Variants in PNLDC1 observed in about 807,000 individuals in gnomAD.
The protein encoded by PNLDC1 is poly(A)-specific ribonuclease PNLDC1.
PNLDC1 carries 70 observed loss-of-function variants against 82.0 expected under a neutral mutation model. That is an observed-to-expected ratio of 0.85 (90% CI 0.70 to 1.04). The LOEUF (loss-of-function observed/expected upper bound fraction) is 1.04, where lower values mean the gene tolerates loss of function less well. PNLDC1 is among the 50% of genes least tolerant of loss of function. The probability of loss-of-function intolerance (pLI) is 0.00; values close to 1 mark genes in which losing one functional copy is unlikely to be tolerated. For synonymous variants in PNLDC1, 280 were observed against 249.3 expected, an observed-to-expected ratio of 1.12 and a Z score of -1.16; for missense variants, 631 against 661.1, an observed-to-expected ratio of 0.95 and a Z score of 0.50.
intron 4 of PNLDC1, 22 bp from the exon 5 acceptor site, chr6:159,803,943 C>A: frequency 6.3e-7 from 1 of 1,599,032 alleles, no homozygotes. Flanking sequence ...GGCTTTTTCT[C>A]TGTATGTTTG....
At chr6:159,816,727 G>T in intron 14 of PNLDC1, 131 bp downstream of exon 14, 1 of 800,068 alleles carries the variant, frequency 1.2e-6, no homozygotes, top group Non-Finnish European at 2.1e-6. Context: ...CTACCTCCTG[G>T]GCTCAGGTGA....
Position 159,808,812 on chromosome 6 carries a change from A to AG in PNLDC1, c.639+1dup, listed in dbSNP as rs1781544350. Reference sequence around the variant, plus strand: ...AACATCTGGACGGTGCTGAAAGATGAGGGGGTGAGTTCTCACTGCGAACGG... The same window carrying AG: ...AACATCTGGACGGTGCTGAAAGATGAGGGGGGTGAGTTCTCACTGCGAACGG... On this transcript the variant is annotated frameshift_variant, in exon 8 of 19. Coordinates refer to ENST00000392167, the MANE Select transcript of PNLDC1 (RefSeq NM_001271862.2). LOFTEE classifies it high-confidence loss of function. The AG allele has an allele frequency of 1.9e-6, 3 of 1,613,904 alleles. No individual in the cohort carries two copies. Among genetic ancestry groups the AG allele is most frequent in the Non-Finnish European group, 2.5e-6 (3 of 1,179,954 alleles).
rs537096442 is a variant in PNLDC1 at position 159,819,679 on chromosome 6, T to C, written c.1532+327T>C. ...TTGGGTGACAAGTGTTTATTAAAAA[T>C]GAGAGAAGGGTCAGGAGTGGGTGGC... On this transcript the variant is annotated intron_variant, in intron 18 of 18. Transcript: ENST00000392167. This position sits in a 1 kb window ranked among gnomAD's most constrained non-coding sequence, Gnocchi z 4.6. 1.7e-3 allele frequency among the ~76,000 whole-genome samples: 262 copies of C among 152,180 alleles called. 2 individuals carry two copies. Among genetic ancestry groups the C allele is most frequent in the African/African-American group, 5.2e-3 (214 of 41,522 alleles).
chr6:159,800,132 C>T (rs542671961), upstream of PNLDC1: 7 of 553,400 alleles, frequency 1.3e-5, 1 homozygote, highest in South Asian at 9.9e-5. Flanking sequence ...TTAAAACACC[C>T]GCAGGCAGGT....
At chr6:159,799,563 G>C (rs551504013), upstream of PNLDC1, among the ~76,000 whole-genome samples, 5 of 152,302 alleles carry the variant, frequency 3.3e-5, no homozygotes, top group East Asian at 7.7e-4. Context: ...TAGAAGCCTA[G>C]AATTCAAGGG....
intron 15 of PNLDC1, among the ~76,000 whole-genome samples, chr6:159,817,815 G>C (rs148058438): frequency 5.3e-5 from 8 of 152,310 alleles, no homozygotes; most frequent in Non-Finnish European, 8.8e-5. Flanking sequence ...ATATCTTTTT[G>C]GACTATGATC....
rs755016318 is a variant in PNLDC1 at position 159,819,296 on chromosome 6, G to A, written c.1476G>A (p.Leu492=). 1 of 1,613,856 alleles carries A rather than the reference G, an allele frequency of 6.2e-7. No individual in the cohort carries two copies. The highest frequency in any genetic ancestry group is 8.5e-7 in the Non-Finnish European group (1 of 1,180,042). Residue 492 remains leucine, a synonymous_variant, in exon 18 of 19, where the codon CTG becomes CTA. Transcript: ENST00000392167. The surrounding 1 kb of genome is among the most constrained non-coding windows in gnomAD (Gnocchi z 4.6). Reference sequence around the variant, plus strand: ...AGGAGTACCGGGACCACCCGACCCTGTGCATCTCCCTGTACCGCTACTGGA... The same window carrying A: ...AGGAGTACCGGGACCACCCGACCCTATGCATCTCCCTGTACCGCTACTGGA... ...ILKEYRDHPT[L]CISLYRYWRH...
Position 159,815,997 on chromosome 6 carries a change from C to CAAT in PNLDC1, c.1024_1025insAAT (p.Pro342delinsGlnSer). The CAAT allele has an allele frequency of 3.1e-6, 5 of 1,613,492 alleles. No homozygotes were observed. The highest frequency in any genetic ancestry group is 4.2e-6 in the Non-Finnish European group (5 of 1,179,782). The stretch of plus-strand genomic sequence containing the variant: ...CTTGAATCCCACCAAGAATTCTGGA[C>CAAT]CAGAGATTGTTCACGCGAGCAGGTG... On this transcript the variant is annotated protein_altering_variant, in exon 13 of 19. Coordinates refer to ENST00000392167, the MANE Select transcript of PNLDC1 (RefSeq NM_001271862.2).
In PNLDC1 at chr6:159,818,619, C is replaced by A; in HGVS notation, c.1222C>A (p.Gln408Lys). 1 of 1,613,910 alleles carries A rather than the reference C, an allele frequency of 6.2e-7. No homozygotes were observed. ...TGACGTGCTGGCTCCTTACGTGAAC[C>A]AAGTGAACCTCATCCGAGCGGGGGT... is the stretch of plus-strand genomic sequence containing the variant. ...YLDVLAPYVN[Q>K]VNLIRAGVPK... The change falls in exon 16 of 19, where the codon CAA becomes AAA. Residue 408 changes from glutamine to lysine, a missense_variant. Coordinates refer to ENST00000392167, the MANE Select transcript of PNLDC1 (RefSeq NM_001271862.2).
chr6:159,819,494 C>A lies in PNLDC1; in HGVS notation c.1532+142C>A. On this transcript the variant is annotated intron_variant, in intron 18 of 18. Transcript: ENST00000392167. This position sits in a 1 kb window ranked among gnomAD's most constrained non-coding sequence, Gnocchi z 4.6. The stretch of plus-strand genomic sequence containing the variant: ...GGGTTGTGTTGACGAGTGTGGTGCC[C>A]TGAATGTCCTTCAGTGATGCCGCGT... The A allele has an allele frequency of 1.4e-6, 1 of 707,584 alleles. No homozygotes were observed. Among genetic ancestry groups the A allele is most frequent in the Non-Finnish European group, 2.3e-6 (1 of 425,720 alleles). 43.8% of individuals were successfully genotyped at this position (707,584 alleles called of 1,614,324 possible).
chr6:159,812,059 C>G (rs1431333820), intron 11 of PNLDC1, among the ~76,000 whole-genome samples: 2 of 152,044 alleles, frequency 1.3e-5, no homozygotes, highest in African/African-American at 4.8e-5. Flanking sequence ...ACCACCATGC[C>G]CTGCTAATTT....
At position 159,800,361 on chromosome 6, in the gene PNLDC1, C is replaced by T. The variant is rs554625205; in HGVS notation, c.54C>T (p.Leu18=). 4 of 1,548,014 alleles carry T rather than the reference C, an allele frequency of 2.6e-6. No individual in the cohort carries two copies. The African/African-American group carries it at 4.1e-5, about 16-fold the overall frequency. The change falls in exon 1 of 19, where the codon CTC becomes CTT. Residue 18 remains leucine, a synonymous_variant. Coordinates refer to ENST00000392167, the MANE Select transcript of PNLDC1 (RefSeq NM_001271862.2). ...AGAGCCTCCCTCTGCTGCAGGAGCT[C>T]GTCCAGGAGGCCGACTTCGTGGGTG... is the stretch of plus-strand genomic sequence containing the variant. ...FEESLPLLQE[L]VQEADFVGLD... is the part of the protein sequence containing the mutation.
intron 7 of PNLDC1, among the ~76,000 whole-genome samples, chr6:159,806,500 A>T (rs1159566170): frequency 6.6e-6 from 1 of 152,146 alleles, no homozygotes; most frequent in Non-Finnish European, 1.5e-5. Flanking sequence ...TCCAATGGAT[A>T]TGTGAGGTCA....
intron 6 of PNLDC1, 77 bp downstream of exon 6, chr6:159,804,714 TTCCAGGAGTGTGGTGACC>T: frequency 9.0e-7 from 1 of 1,113,926 alleles, no homozygotes; most frequent in East Asian, 2.5e-5. Context: ...GGCGTGCCGT[TTCCAGGAGTGTGGTGACC>T]TCCATCCATG....
intron 9 of PNLDC1, among the ~76,000 whole-genome samples, chr6:159,809,612 T>G (rs1230583885): frequency 2.0e-5 from 3 of 152,092 alleles, no homozygotes; most frequent in African/African-American, 7.2e-5. Flanking sequence ...CATTTATAAC[T>G]AGCTTCCTGG....
chr6:159,805,956 T>C (rs1405738282), intron 6 of PNLDC1, 27 bp from the exon 7 acceptor site: 4 of 1,557,912 alleles, frequency 2.6e-6, no homozygotes, highest in South Asian at 2.2e-5. Flanking sequence ...TTCTCTGACA[T>C]GTTCACTTTC....
At chr6:159,800,853 C>A (rs150626766) in intron 2 of PNLDC1, 24 bp downstream of exon 2, 9 of 1,614,016 alleles carry the variant, frequency 5.6e-6, no homozygotes, top group Non-Finnish European at 7.6e-6. Context: ...TGTGTCCCCT[C>A]TGTATAAGAG....
chr6:159,817,159 T>C lies in PNLDC1; in HGVS notation c.1157+8T>C. On this transcript the variant is annotated splice_region_variant and intron_variant, in intron 15 of 18. Transcript: ENST00000392167. ...TCTACAGAAGATATACCAGTAAGTG[T>C]TCTTTCTTTTCATCCTACTGTTCAA... 1.2e-6 allele frequency: 2 copies of C among 1,609,098 alleles called. No homozygotes were observed. Among genetic ancestry groups the C allele is most frequent in the Non-Finnish European group, 1.7e-6 (2 of 1,175,716 alleles).
In PNLDC1 at chr6:159,800,739, C is replaced by A. The variant is rs377171718; in HGVS notation, c.77-33C>A. The A allele has an allele frequency of 5.6e-6, 9 of 1,614,226 alleles. No homozygotes were observed. Among genetic ancestry groups the A allele is most frequent in the Middle Eastern group, 1.6e-4 (1 of 6,062 alleles). ...TGAGGAGTGCTGGCGATGTTCTGCACCCGAGGACTGCTATTTTTTGCCTTC... is the reference window on the plus strand; with the variant it reads ...TGAGGAGTGCTGGCGATGTTCTGCAACCGAGGACTGCTATTTTTTGCCTTC... On this transcript the variant is annotated intron_variant, in intron 1 of 18. Coordinates refer to ENST00000392167, the MANE Select transcript of PNLDC1 (RefSeq NM_001271862.2).
Sources: gnomAD v4.1 joint callset for allele counts (sites outside exome capture counted in the v4.1 genomes callset) on GRCh38, gnomAD v4.1.1 for gene constraint, Gnocchi (gnomAD v3.1) non-coding constraint, MANE v1.5 for transcripts, NCBI Gene and HGNC (gene_info 2026-07-23, HGNC 2026-07-21) for gene names.